Variants in LRRC53 observed in about 807,000 individuals in gnomAD.
LRRC53 encodes leucine-rich repeat-containing protein 53.
Under a neutral mutation model 13.6 loss-of-function variants are expected in LRRC53, and 25 were observed. That is an observed-to-expected ratio of 1.83 (90% confidence interval 1.34 to 2.56). The LOEUF is 2.56. Ranked by LOEUF, LRRC53 falls within the 30% of genes most tolerant of loss-of-function variation. The probability of loss-of-function intolerance (pLI) is 0.00; values close to 1 mark genes in which losing one functional copy is unlikely to be tolerated. For synonymous variants in LRRC53, 204 were observed against 109.8 expected (o/e 1.86, Z -5.37); for missense variants, 527 against 275.8 (o/e 1.91, Z -6.45).
At chr1:74,515,640 G>A (rs1389756820), upstream of LRRC53, among the ~76,000 whole-genome samples, 2 of 152,172 alleles carry the variant, frequency 1.3e-5, no homozygotes, top group Non-Finnish European at 2.9e-5. Flanking sequence ...GACATCCGAT[G>A]TAGTCAAACT....
intron 1 of LRRC53, among the ~76,000 whole-genome samples, chr1:74,501,180 TATCCTGCTTTCTGGGTA>T (rs1249981793): frequency 7.9e-5 from 12 of 152,230 alleles, no homozygotes; most frequent in African/African-American, 2.9e-4. Context: ...TTACTTTCTC[TATCCTGCTTTCTGGGTA>T]ATTTTTTCAG....
At chr1:74,495,359 C>T (rs1669275992) in intron 1 of LRRC53, among the ~76,000 whole-genome samples, 1 of 152,156 alleles carries the variant, frequency 6.6e-6, no homozygotes, top group South Asian at 2.1e-4. Context: ...TATGTATGTT[C>T]TATTCATTAC....
At chr1:74,473,980 ATGTG>A (rs1668062829) in intron 4 of LRRC53, among the ~76,000 whole-genome samples, 1 of 152,130 alleles carries the variant, frequency 6.6e-6, no homozygotes, top group African/African-American at 2.4e-5. Context: ...TCTGGAGCAG[ATGTG>A]ACCTTGGCTG....
chr1:74,474,573 G>A (rs921634903), intron 4 of LRRC53, among the ~76,000 whole-genome samples: 1 of 152,156 alleles, frequency 6.6e-6, no homozygotes, highest in African/African-American at 2.4e-5. Context: ...TCAAATAAAT[G>A]ACAGGAACCT....
At chr1:74,497,133 A>G (rs1300544952) in intron 1 of LRRC53, among the ~76,000 whole-genome samples, 1 of 152,170 alleles carries the variant, frequency 6.6e-6, no homozygotes, top group African/African-American at 2.4e-5. Context: ...ATAACTTATA[A>G]AATTTTAATT....
chr1:74,524,138 C>T, the LRRC53 span, among the ~76,000 whole-genome samples: 1 of 152,186 alleles, frequency 6.6e-6, no homozygotes, highest in South Asian at 2.1e-4. Context: ...GTGGCAGTGC[C>T]CACAAAGGCT....
intron 3 of LRRC53, 142 bp from the exon 4 acceptor site, chr1:74,475,952 T>C (rs1256138314): frequency 4.5e-6 from 2 of 448,146 alleles, no homozygotes; most frequent in Non-Finnish European, 7.9e-6. Flanking sequence ...TTTGGAAAAA[T>C]ATCAGTCCAG....
chr1:74,506,089 TA>T (rs751862513), intron 1 of LRRC53, among the ~76,000 whole-genome samples: 1 of 152,136 alleles, frequency 6.6e-6, no homozygotes, highest in Non-Finnish European at 1.5e-5. Context: ...GCCCGGGTCC[TA>T]GGGGGATATG....
rs1054068442 is a variant in LRRC53, at chr1:74,471,083, C to G, written c.2539G>C (p.Asp847His). The G allele has an allele frequency of 2.5e-6, 1 of 400,630 alleles. No homozygotes were observed. The highest frequency in any genetic ancestry group is 4.4e-6 in the Non-Finnish European group (1 of 226,206). 24.8% of individuals were successfully genotyped at this position (400,630 alleles called of 1,614,324 possible). A position where few individuals can be genotyped will look rare whatever the true frequency, so the allele number is the denominator to read the frequency against. ...GAATGTGAGTGCCTGTGCTCAGCAT[C>G]AGTGGGTGTAGGTTGGGGCAATTTT... is the stretch of plus-strand genomic sequence containing the variant. ...TSKLPQPTPT[D>H]AEHRHSHSQF... Residue 847 changes from aspartate (D) to histidine (H), a missense_variant, in exon 5 of 5, where the codon GAT becomes CAT. Transcript: ENST00000294635.
chr1:74,501,250 A>C (rs1052583720), intron 1 of LRRC53, among the ~76,000 whole-genome samples: 1 of 152,096 alleles, frequency 6.6e-6, no homozygotes, highest in African/African-American at 2.4e-5. Flanking sequence ...GCTGGATTTA[A>C]TGTGTTGTTT....
At chr1:74,505,647 C>T (rs760538308) in intron 1 of LRRC53, among the ~76,000 whole-genome samples, 7 of 152,020 alleles carry the variant, frequency 4.6e-5, no homozygotes, top group Non-Finnish European at 1.0e-4. Context: ...TTTGCTTACT[C>T]GTATTTGAAG....
chr1:74,502,588 A>C (rs1669687829), intron 1 of LRRC53, among the ~76,000 whole-genome samples: 1 of 152,218 alleles, frequency 6.6e-6, no homozygotes, highest in Non-Finnish European at 1.5e-5. Context: ...TTTGAAGAGA[A>C]TCAGCAGGGA....
intron 1 of LRRC53, chr1:74,489,260 A>G (rs1418739198): frequency 1.2e-5 from 20 of 1,605,234 alleles, no homozygotes; most frequent in Non-Finnish European, 1.7e-5. Context: ...TAAAAGCTTT[A>G]GCTTCTGAAA....
intron 1 of LRRC53, among the ~76,000 whole-genome samples, chr1:74,509,620 A>G (rs898696189): frequency 6.6e-6 from 1 of 152,156 alleles, no homozygotes; most frequent in Non-Finnish European, 1.5e-5. Context: ...AAAATTGAGG[A>G]CAAAGCACCA....
intron 1 of LRRC53, among the ~76,000 whole-genome samples, chr1:74,509,412 A>G (rs912327137): frequency 1.3e-5 from 2 of 152,228 alleles, no homozygotes; most frequent in South Asian, 4.1e-4. Flanking sequence ...AGAGTACTAC[A>G]TAACAATAGA....
the LRRC53 span, among the ~76,000 whole-genome samples, chr1:74,529,448 A>C: frequency 1.3e-5 from 2 of 152,238 alleles, no homozygotes; most frequent in Non-Finnish European, 2.9e-5. Context: ...TCAAGTAGAG[A>C]TGGAGAGACC....
At chr1:74,511,914 G>A (rs540112267) in intron 1 of LRRC53, among the ~76,000 whole-genome samples, 9 of 152,282 alleles carry the variant, frequency 5.9e-5, no homozygotes, top group East Asian at 1.9e-4. Context: ...TTGAGTGTGG[G>A]TAGAGCAGAA....
At chr1:74,475,240 C>T in intron 4 of LRRC53, 55 bp downstream of exon 4, 1 of 606,376 alleles carries the variant, frequency 1.6e-6, no homozygotes, top group Non-Finnish European at 3.0e-6. Flanking sequence ...AGGGAGGCTC[C>T]CTCCTTCAAA....
At chr1:74,531,539 C>G in the LRRC53 span, among the ~76,000 whole-genome samples, 1 of 152,152 alleles carries the variant, frequency 6.6e-6, no homozygotes, top group Non-Finnish European at 1.5e-5. Context: ...TCTGACAGAT[C>G]TGTTTTAAAT....
Sources: gnomAD v4.1 joint callset for allele counts (sites outside exome capture counted in the v4.1 genomes callset) on GRCh38, gnomAD v4.1.1 for gene constraint, MANE v1.5 for transcripts, NCBI Gene and HGNC (gene_info 2026-07-23, HGNC 2026-07-21) for gene names.